Variants in CEP70 observed in about 807,000 individuals in gnomAD.
The protein encoded by CEP70 is centrosomal protein of 70 kDa.
In CEP70, 70 loss-of-function variants were observed where a neutral mutation model predicts 90.9. The observed-to-expected ratio is 0.77, with a 90% CI of 0.64 to 0.94. The LOEUF is 0.94. Ranked by LOEUF, CEP70 falls within the 40% of genes least tolerant of loss-of-function variation. CEP70 has a pLI of 0.00. For synonymous variants in CEP70, 220 were observed against 228.3 expected (o/e 0.96, Z 0.33); for missense variants, 648 against 669.0 (o/e 0.97, Z 0.35).
intron 6 of CEP70, among the ~76,000 whole-genome samples, chr3:138,544,172 G>GT (rs546263035): frequency 7.9e-5 from 12 of 151,784 alleles, no homozygotes; most frequent in Non-Finnish European, 8.8e-5. Context: ...TCTATAAAAT[G>GT]TTTTTTTGTA....
chr3:138,525,618 A>G, intron 10 of CEP70, 54 bp from the exon 11 acceptor site: 1 of 824,212 alleles, frequency 1.2e-6, no homozygotes, highest in Non-Finnish European at 1.8e-6. Context: ...AAAAGCATAA[A>G]GGTACTTAAA....
At chr3:138,572,813 T>C (rs752074381) in intron 3 of CEP70, 46 bp downstream of exon 3, 21 of 1,199,866 alleles carry the variant, frequency 1.8e-5, no homozygotes, top group Non-Finnish European at 2.6e-5. Flanking sequence ...TAGCATTCTT[T>C]GGCACATATT....
intron 6 of CEP70, among the ~76,000 whole-genome samples, chr3:138,550,355 A>G (rs948095419): frequency 2.0e-5 from 3 of 152,160 alleles, no homozygotes; most frequent in African/African-American, 7.2e-5. Context: ...AAAAGATTGC[A>G]TACATTTTTT....
chr3:138,558,085 C>G (rs1027269185), intron 6 of CEP70, among the ~76,000 whole-genome samples: 19 of 152,136 alleles, frequency 1.2e-4, no homozygotes, highest in Non-Finnish European at 2.2e-4. Flanking sequence ...AGAAAACTGG[C>G]CAGGCACAGT....
At chr3:138,509,551 C>G (rs565886622) in intron 11 of CEP70, among the ~76,000 whole-genome samples, 1 of 152,198 alleles carries the variant, frequency 6.6e-6, no homozygotes, top group South Asian at 2.1e-4. Flanking sequence ...AATCTTTCTT[C>G]TCCCTCCTCA....
chr3:138,577,222 C>A (rs1293527424), intron 2 of CEP70, among the ~76,000 whole-genome samples: 3 of 152,074 alleles, frequency 2.0e-5, no homozygotes, highest in Non-Finnish European at 1.5e-5. Context: ...GGAGGGATAG[C>A]ATTAGGAGAA....
At position 138,538,792 on chromosome 3, in the gene CEP70, C is replaced by T. The variant is rs565288996; in HGVS notation, c.466-1445G>A. ...TTTGTTCAGAGGTTTTGATTATTGA[C>T]ATAATCCATTGTTACACATCTACTA... On this transcript the variant is annotated intron_variant, in intron 6 of 17. Transcript: ENST00000264982. Among the ~76,000 whole-genome samples the T allele has an allele frequency of 5.3e-5, 8 of 152,202 alleles. 1 individual carries two copies. Among genetic ancestry groups the T allele is most frequent in the African/African-American group, 1.9e-4 (8 of 41,518 alleles).
chr3:138,563,029 CAA>C (rs543403068), intron 6 of CEP70, among the ~76,000 whole-genome samples: 6 of 135,212 alleles, frequency 4.4e-5, no homozygotes, highest in Admixed American at 7.5e-5. Flanking sequence ...AAATGGAAAG[CAA>C]AAAAAAAAAG....
At chr3:138,561,757 G>A (rs2040422853) in intron 6 of CEP70, among the ~76,000 whole-genome samples, 1 of 152,050 alleles carries the variant, frequency 6.6e-6, no homozygotes, top group Admixed American at 6.5e-5. Context: ...CGGGTGCGGT[G>A]GCTCACCCCT....
At chr3:138,500,972 ATATAT>A (rs967755218) in intron 13 of CEP70, 91 bp from the exon 14 acceptor site, 36 of 459,360 alleles carry the variant, frequency 7.8e-5, no homozygotes, top group Middle Eastern at 6.7e-4. Flanking sequence ...TATAAGTTTT[ATATAT>A]TATATGTTTT....
At chr3:138,539,272 C>T (rs1038844015) in intron 6 of CEP70, among the ~76,000 whole-genome samples, 8 of 152,166 alleles carry the variant, frequency 5.3e-5, no homozygotes, top group Admixed American at 2.6e-4. Context: ...CCTTGGCCTC[C>T]GAAAGTGCTG....
chr3:138,552,809 A>C (rs1050199255), intron 6 of CEP70, among the ~76,000 whole-genome samples: 7 of 152,292 alleles, frequency 4.6e-5, no homozygotes, highest in African/African-American at 1.4e-4. Context: ...CAGCAGAAGA[A>C]AGGAAATAAC....
intron 11 of CEP70, among the ~76,000 whole-genome samples, chr3:138,509,731 G>A (rs576646362): frequency 1.3e-5 from 2 of 152,034 alleles, no homozygotes; most frequent in South Asian, 4.2e-4. Context: ...GTAGTGTGAT[G>A]AAATCTCATG....
chr3:138,580,748 A>C (rs1295366372), intron 2 of CEP70, among the ~76,000 whole-genome samples: 2 of 152,152 alleles, frequency 1.3e-5, no homozygotes, highest in African/African-American at 4.8e-5. Flanking sequence ...AGCTGTTTTG[A>C]GGAAACTCAA....
intron 2 of CEP70, among the ~76,000 whole-genome samples, chr3:138,575,648 G>A (rs1412911735): frequency 6.6e-6 from 1 of 152,144 alleles, no homozygotes; most frequent in Non-Finnish European, 1.5e-5. Context: ...ACACATAAGT[G>A]TCAGATTCAC....
rs12633696 is a variant in CEP70 at position 138,536,491 on chromosome 3, A to G, written c.635+687T>C. On this transcript the variant is annotated intron_variant, in intron 7 of 17. Coordinates refer to ENST00000264982, the MANE Select transcript of CEP70 (RefSeq NM_024491.4). ...AGAAACAAGTATTTCAAGATATTTT[A>G]GAAATATACATCTTGACTGCATACA... Among the ~76,000 whole-genome samples, 65 of 152,246 alleles carry G rather than the reference A, an allele frequency of 4.3e-4. No individual in the cohort carries two copies. In the East Asian group the frequency reaches 0.012, roughly 27 times the overall value.
chr3:138,582,763 CA>C (rs1560461365), intron 2 of CEP70, among the ~76,000 whole-genome samples: 1 of 151,204 alleles, frequency 6.6e-6, no homozygotes, highest in Admixed American at 6.6e-5. Flanking sequence ...GACTCCATCT[CA>C]AAAAAATAAA....
chr3:138,571,039 C>G lies in CEP70; in HGVS notation c.279G>C (p.Gln93His). 1.3e-6 allele frequency: 2 copies of G among 1,577,574 alleles called. No homozygotes were observed. The highest frequency in any genetic ancestry group is 1.4e-5 in the African/African-American group (1 of 73,410). Residue 93 changes from glutamine (Q) to histidine (H), a missense_variant, in exon 5 of 18, where the codon CAG becomes CAC. Gln to His is a conservative substitution (Grantham distance 24). Coordinates refer to ENST00000264982, the MANE Select transcript of CEP70 (RefSeq NM_024491.4). ...AATCTTTTCCATTTTCTCACCTAAGCTGTTGATTAGTTTCTATAAGCTCCT... is the reference window on the plus strand; with the variant it reads ...AATCTTTTCCATTTTCTCACCTAAGGTGTTGATTAGTTTCTATAAGCTCCT... ...MIQELIETNQ[Q>H]LRNELQLEQS...
At chr3:138,548,409 G>A (rs969923014) in intron 6 of CEP70, among the ~76,000 whole-genome samples, 1 of 152,134 alleles carries the variant, frequency 6.6e-6, no homozygotes, top group South Asian at 2.1e-4. Context: ...AGAGGATTTT[G>A]ATTTTACGTA....
Sources: allele counts gnomAD v4.1 joint callset (sites outside exome capture counted in the v4.1 genomes callset), GRCh38; gene constraint gnomAD v4.1.1; transcripts MANE v1.5; gene names NCBI Gene and HGNC (gene_info 2026-07-23, HGNC 2026-07-21).